Variants in PDE4B observed in about 807,000 individuals in gnomAD.
PDE4B encodes phosphodiesterase 4B.
PDE4B carries 20 observed loss-of-function variants against 82.2 expected under a neutral mutation model. The ratio of observed to expected loss-of-function variants is 0.24; its 90% confidence interval spans 0.17 to 0.35. The LOEUF (loss-of-function observed/expected upper bound fraction) is 0.35, where lower values mean the gene tolerates loss of function less well. Ranked by LOEUF, PDE4B falls within the 10% of genes least tolerant of loss-of-function variation. PDE4B has a pLI of 1.00. For synonymous variants in PDE4B, 320 were observed against 318.9 expected (o/e 1.00, Z -0.04); for missense variants, 655 against 907.2 (o/e 0.72, Z 3.57).
intron 3 of PDE4B, among the ~76,000 whole-genome samples, chr1:65,955,589 A>G (rs1472500717): frequency 6.6e-6 from 1 of 152,124 alleles, no homozygotes; most frequent in Non-Finnish European, 1.5e-5. Context: ...ATTCGAGCCC[A>G]TGTCTACTTC....
chr1:66,186,758 A>G (rs1415493416), intron 3 of PDE4B, among the ~76,000 whole-genome samples: 3 of 152,188 alleles, frequency 2.0e-5, no homozygotes, highest in South Asian at 2.1e-4. Context: ...TTTTCTAGAT[A>G]TACAATCATC....
intron 1 of PDE4B, among the ~76,000 whole-genome samples, chr1:65,841,105 T>C (rs1646201486): frequency 6.6e-6 from 1 of 152,136 alleles, no homozygotes; most frequent in Admixed American, 6.6e-5. Context: ...TAGACCAGCC[T>C]AGGCAACATG....
intron 1 of PDE4B, among the ~76,000 whole-genome samples, chr1:65,868,768 C>T (rs1392862834): frequency 2.0e-5 from 3 of 151,862 alleles, no homozygotes; most frequent in Non-Finnish European, 4.4e-5. Context: ...TGAACTCTGC[C>T]TCCTGTCAGA....
intron 1 of PDE4B, among the ~76,000 whole-genome samples, chr1:65,795,504 A>G (rs919975637): frequency 3.9e-5 from 6 of 152,224 alleles, no homozygotes; most frequent in African/African-American, 1.4e-4. Context: ...ATCGTTCTTC[A>G]AGGAGGGACT....
intron 7 of PDE4B, among the ~76,000 whole-genome samples, chr1:66,282,094 A>T (rs534206879): frequency 1.3e-5 from 2 of 152,212 alleles, no homozygotes; most frequent in Non-Finnish European, 2.9e-5. Flanking sequence ...GATGGTGTTT[A>T]CATCTGTGGT....
intron 3 of PDE4B, among the ~76,000 whole-genome samples, chr1:65,994,318 A>G (rs1651413937): frequency 3.3e-5 from 5 of 152,188 alleles, no homozygotes; most frequent in African/African-American, 1.2e-4. Context: ...ATGCTTAGCC[A>G]ACACATACTT....
intron 1 of PDE4B, among the ~76,000 whole-genome samples, chr1:65,800,607 T>C (rs1645683449): frequency 6.6e-6 from 1 of 152,210 alleles, no homozygotes; most frequent in African/African-American, 2.4e-5. Context: ...TCCAGCATTA[T>C]CATTTGGTGA....
intron 3 of PDE4B, among the ~76,000 whole-genome samples, chr1:66,040,973 T>C (rs556330956): frequency 2.0e-4 from 31 of 152,076 alleles, no homozygotes; most frequent in African/African-American, 6.3e-4. Context: ...TGGCCCCATC[T>C]TTTTAAAAAC....
At chr1:66,113,783 A>C (rs188886322) in intron 3 of PDE4B, among the ~76,000 whole-genome samples, 53 of 152,340 alleles carry the variant, frequency 3.5e-4, no homozygotes, top group Non-Finnish European at 7.1e-4. Context: ...TCTTTAAACT[A>C]TAATACTACC....
chr1:66,329,721 CTT>C (rs1659976908), intron 7 of PDE4B, among the ~76,000 whole-genome samples: 1 of 152,176 alleles, frequency 6.6e-6, no homozygotes, highest in Non-Finnish European at 1.5e-5. Context: ...CCCTTTATAA[CTT>C]TATGAGATAA....
chr1:65,820,738 TTTTA>T (rs1645942861), intron 1 of PDE4B, among the ~76,000 whole-genome samples: 1 of 152,234 alleles, frequency 6.6e-6, no homozygotes, highest in African/African-American at 2.4e-5. Context: ...TACATTGACA[TTTTA>T]TTTAATAAAT....
intron 3 of PDE4B, among the ~76,000 whole-genome samples, chr1:66,130,923 A>G (rs1645928396): frequency 6.6e-6 from 1 of 152,220 alleles, no homozygotes; most frequent in Admixed American, 6.5e-5. Flanking sequence ...AATTCATTTT[A>G]CAAGTGAAGA....
chr1:65,905,593 A>G (rs1422311113), intron 1 of PDE4B, among the ~76,000 whole-genome samples: 1 of 152,164 alleles, frequency 6.6e-6, no homozygotes, highest in Non-Finnish European at 1.5e-5. Context: ...CTGGGGATTA[A>G]TATAAGGAAT....
intron 3 of PDE4B, among the ~76,000 whole-genome samples, chr1:66,241,571 T>G (rs1313641528): frequency 6.6e-6 from 1 of 152,124 alleles, no homozygotes; most frequent in Non-Finnish European, 1.5e-5. Flanking sequence ...CAGTGGCGCA[T>G]CTTGTCTCAC....
chr1:65,925,179 G>A (rs1235692928), intron 3 of PDE4B, among the ~76,000 whole-genome samples: 1 of 151,956 alleles, frequency 6.6e-6, no homozygotes. Flanking sequence ...GATAGTTTTT[G>A]CTCATGCTTT....
At chr1:65,950,351 C>T (rs2100569651) in intron 3 of PDE4B, among the ~76,000 whole-genome samples, 1 of 152,160 alleles carries the variant, frequency 6.6e-6, no homozygotes, top group Admixed American at 6.5e-5. Context: ...CAATAGGGTT[C>T]TCATTATCAT....
At chr1:66,008,050 C>A (rs1260874468) in intron 3 of PDE4B, among the ~76,000 whole-genome samples, 1 of 152,158 alleles carries the variant, frequency 6.6e-6, no homozygotes, top group Non-Finnish European at 1.5e-5. Context: ...TCCAGGGTTA[C>A]TGGATTCACA....
At chr1:66,099,785 A>G (rs28616703) in intron 3 of PDE4B, among the ~76,000 whole-genome samples, 1 of 152,132 alleles carries the variant, frequency 6.6e-6, no homozygotes, top group East Asian at 1.9e-4. Context: ...ATAAACTGAC[A>G]GAGATGTGGT....
chr1:66,200,233 G>T (rs1042172233), intron 3 of PDE4B, among the ~76,000 whole-genome samples: 6 of 152,206 alleles, frequency 3.9e-5, no homozygotes, highest in Non-Finnish European at 8.8e-5. Flanking sequence ...GTACCATGCT[G>T]TTTTGGTTAC....
Sources: allele counts gnomAD v4.1 joint callset (sites outside exome capture counted in the v4.1 genomes callset), GRCh38; gene constraint gnomAD v4.1.1; transcripts MANE v1.5; gene names NCBI Gene and HGNC (gene_info 2026-07-23, HGNC 2026-07-21).